Variants in DRC8 observed in about 807,000 individuals in gnomAD.
The protein encoded by DRC8 is dynein regulatory complex protein 8.
At chr1:245,058,319 C>T in the DRC8 span, among the ~76,000 whole-genome samples, 1 of 151,900 alleles carries the variant, frequency 6.6e-6, no homozygotes, top group Non-Finnish European at 1.5e-5. Flanking sequence ...AGGAAATATA[C>T]TTGACATGAG....
At chr1:244,997,753 C>T in the DRC8 span, among the ~76,000 whole-genome samples, 207 of 152,144 alleles carry the variant, frequency 1.4e-3, 1 homozygote, top group African/African-American at 4.8e-3. Flanking sequence ...CCATGTTGGC[C>T]AGGCTGATTT....
chr1:245,002,753 A>ATT, the DRC8 span, among the ~76,000 whole-genome samples: 2 of 144,678 alleles, frequency 1.4e-5, no homozygotes, highest in African/African-American at 2.6e-5. Flanking sequence ...TTTCTGGAAG[A>ATT]TTTTTTTTTT....
the DRC8 span, among the ~76,000 whole-genome samples, chr1:244,988,079 T>C: frequency 2.0e-5 from 3 of 152,352 alleles, no homozygotes; most frequent in African/African-American, 7.2e-5. Context: ...ATATGTAGTT[T>C]TTTAGTCTTT....
the DRC8 span, chr1:245,121,836 G>A: frequency 2.4e-6 from 1 of 418,328 alleles, no homozygotes; most frequent in South Asian, 1.8e-5. Context: ...CCTTAGGCTT[G>A]TCTTAGCTAC....
the DRC8 span, among the ~76,000 whole-genome samples, chr1:244,997,525 C>CT: frequency 0.19 from 23,450 of 126,498 alleles, 1,956 homozygotes; most frequent in South Asian, 0.25. Context: ...TTCGTGCCAT[C>CT]TTTTTTTTTT....
the DRC8 span, among the ~76,000 whole-genome samples, chr1:245,001,469 G>C: frequency 2.0e-4 from 30 of 152,304 alleles, no homozygotes; most frequent in African/African-American, 7.2e-4. Flanking sequence ...GTTTCCAGGG[G>C]CAGAGCTTAT....
the DRC8 span, among the ~76,000 whole-genome samples, chr1:245,008,669 A>G: frequency 1.4e-5 from 1 of 71,008 alleles, no homozygotes; most frequent in Admixed American, 1.7e-4. Flanking sequence ...ATGTTCTCAC[A>G]CTTTTTTTTT....
the DRC8 span, among the ~76,000 whole-genome samples, chr1:244,979,293 T>A: frequency 1.2e-4 from 2 of 17,126 alleles, no homozygotes; most frequent in African/African-American, 2.2e-4. Context: ...GAAGCTTATC[T>A]TTTTTTTTTT....
the DRC8 span, among the ~76,000 whole-genome samples, chr1:244,997,745 A>AT: frequency 2.0e-5 from 3 of 151,876 alleles, no homozygotes; most frequent in African/African-American, 7.3e-5. Flanking sequence ...AGGTTTCACC[A>AT]TGTTGGCCAG....
the DRC8 span, chr1:244,970,567 G>A: frequency 3.0e-6 from 4 of 1,312,164 alleles, no homozygotes; most frequent in Non-Finnish European, 4.0e-6. Flanking sequence ...GGAAAGGGCG[G>A]CCTGAGGAGG....
the DRC8 span, among the ~76,000 whole-genome samples, chr1:245,097,324 C>G: frequency 1.3e-5 from 2 of 152,200 alleles, no homozygotes; most frequent in Admixed American, 1.3e-4. This position sits in a 1 kb window ranked among gnomAD's most constrained non-coding sequence, Gnocchi z 5.0. Context: ...AGTTCGAGAC[C>G]AGCTTGGGCA....
the DRC8 span, among the ~76,000 whole-genome samples, chr1:245,101,814 T>C: frequency 6.6e-6 from 1 of 152,226 alleles, no homozygotes. Flanking sequence ...CAATCCATTG[T>C]CGTCATTATT....
At chr1:244,994,626 CA>C in the DRC8 span, among the ~76,000 whole-genome samples, 16 of 152,050 alleles carry the variant, frequency 1.1e-4, no homozygotes, top group Admixed American at 6.6e-4. Flanking sequence ...GATGGGGTTT[CA>C]CCATATTGGC....
chr1:245,091,836 C>T, the DRC8 span: 4 of 152,232 alleles, frequency 2.6e-5, no homozygotes, highest in African/African-American at 9.7e-5. Context: ...TGTATTTTGC[C>T]TCTTCAGCTC....
the DRC8 span, among the ~76,000 whole-genome samples, chr1:245,035,396 T>TGA: frequency 0.36 from 55,133 of 151,784 alleles, 10,314 homozygotes; most frequent in African/African-American, 0.47. Context: ...GGAATAGAAT[T>TGA]GAGTCTGGAA....
the DRC8 span, among the ~76,000 whole-genome samples, chr1:245,115,323 C>T: frequency 6.6e-6 from 1 of 152,216 alleles, no homozygotes. Flanking sequence ...GTTGGGATTA[C>T]AGGCGTGAGC....
the DRC8 span, among the ~76,000 whole-genome samples, chr1:245,048,514 GT>G: frequency 1.4e-4 from 21 of 148,052 alleles, no homozygotes; most frequent in East Asian, 1.6e-3. Flanking sequence ...TGCTTATCTT[GT>G]TTTTTTTTTA....
At chr1:245,094,200 T>C in the DRC8 span, among the ~76,000 whole-genome samples, 1 of 152,284 alleles carries the variant, frequency 6.6e-6, no homozygotes, top group South Asian at 2.1e-4. Context: ...CTTTATCAAA[T>C]CCGATTAGCC....
the DRC8 span, among the ~76,000 whole-genome samples, chr1:244,983,387 A>G: frequency 2.0e-5 from 3 of 152,202 alleles, no homozygotes; most frequent in Non-Finnish European, 4.4e-5. Flanking sequence ...TTAAAGACAT[A>G]TAAAGGAGTT....
Sources: allele counts gnomAD v4.1 joint callset (sites outside exome capture counted in the v4.1 genomes callset), GRCh38; gene constraint gnomAD v4.1.1; non-coding constraint Gnocchi (gnomAD v3.1); transcripts MANE v1.5; gene names NCBI Gene and HGNC (gene_info 2026-07-23, HGNC 2026-07-21).